Variants in CDC42 observed in about 807,000 individuals in gnomAD.
CDC42 encodes the protein cell division cycle 42.
Under a neutral mutation model 20.8 loss-of-function variants are expected in CDC42, and 1 was observed. The ratio of observed to expected loss-of-function variants is 0.05; its 90% CI spans 0.02 to 0.23. The LOEUF (loss-of-function observed/expected upper bound fraction) is 0.23, where lower values mean the gene tolerates loss of function less well. Among genes scored for constraint, CDC42 ranks in the 10% least tolerant of loss-of-function variants. The pLI, the probability that CDC42 is intolerant of heterozygous loss-of-function variation, is 1.00. For missense variants in CDC42, 49 were observed against 227.9 expected (o/e 0.21, Z 5.05); for synonymous variants, 72 against 84.8 (o/e 0.85, Z 0.83).
chr1:22,054,952 T>A (rs1465115172), intron 1 of CDC42, among the ~76,000 whole-genome samples: 4,079 of 50,856 alleles, frequency 0.08, 356 homozygotes, highest in Non-Finnish European at 0.085. Flanking sequence ...TTTTTTTTTT[T>A]TTTTTTTTTT....
intron 3 of CDC42, among the ~76,000 whole-genome samples, chr1:22,085,420 A>G (rs1277732038): frequency 6.6e-6 from 1 of 151,890 alleles, no homozygotes; most frequent in Admixed American, 6.6e-5. Flanking sequence ...TTTCAAGATT[A>G]TTTTGTCTAT....
chr1:22,070,802 A>G (rs1221082097), intron 1 of CDC42, among the ~76,000 whole-genome samples: 2 of 151,640 alleles, frequency 1.3e-5, no homozygotes, highest in Non-Finnish European at 2.9e-5. Context: ...TTGCTAGCCT[A>G]TCAGGACAAA....
chr1:22,070,691 C>T (rs1242077766), intron 1 of CDC42, among the ~76,000 whole-genome samples: 1 of 151,908 alleles, frequency 6.6e-6, no homozygotes, highest in Admixed American at 6.6e-5. Flanking sequence ...GTCTTGATCT[C>T]TTGACCTCGT....
At chr1:22,082,875 A>ATTTTTTTT (rs3036839) in intron 3 of CDC42, among the ~76,000 whole-genome samples, 2 of 140,212 alleles carry the variant, frequency 1.4e-5, no homozygotes, top group African/African-American at 2.7e-5. Context: ...CACAGAGAAA[A>ATTTTTTTT]TTTTTATTTT....
intron 1 of CDC42, among the ~76,000 whole-genome samples, chr1:22,073,359 A>G (rs1012558288): frequency 2.6e-5 from 4 of 151,844 alleles, no homozygotes; most frequent in African/African-American, 9.7e-5. Context: ...CAATGTGGCG[A>G]AACCCCGTCT....
At position 22,055,046 on chromosome 1, in the gene CDC42, C is replaced by A. The variant is rs555841117; in HGVS notation, c.-51+2304C>A. 7.6e-5 allele frequency among the ~76,000 whole-genome samples: 11 copies of A among 144,356 alleles called. No homozygotes were observed. The Admixed American group carries it at 7.8e-4, about 10-fold the overall frequency. The allele number at this position is 144,356 out of a possible 152,430, so 94.7% of individuals were successfully genotyped here. On this transcript the variant is annotated intron_variant, in intron 1 of 5. Coordinates refer to ENST00000656825, the MANE Select transcript of CDC42 (RefSeq NM_001791.4). ...TCAGCTCACTGCAAGCTCCGCCTCC[C>A]AGGTTCACACCATTCTCCTGCCTCA...
chr1:22,079,089 C>T (rs548279971), intron 2 of CDC42, among the ~76,000 whole-genome samples: 1 of 151,490 alleles, frequency 6.6e-6, no homozygotes, highest in Non-Finnish European at 1.5e-5. Flanking sequence ...TTCGAGAACA[C>T]CAACAGAGTC....
chr1:22,066,977 C>T (rs1235920896), intron 1 of CDC42, among the ~76,000 whole-genome samples: 1 of 152,064 alleles, frequency 6.6e-6, no homozygotes, highest in African/African-American at 2.4e-5. Flanking sequence ...GCTGGAAAAT[C>T]GCTTGAACCT....
intron 5 of CDC42, among the ~76,000 whole-genome samples, chr1:22,089,327 C>A (rs1361503107): frequency 6.6e-6 from 1 of 152,180 alleles, no homozygotes; most frequent in Non-Finnish European, 1.5e-5. Flanking sequence ...ATGCAGACAT[C>A]TTAAAGCACT....
chr1:22,094,294 ATTT>A lies in CDC42; in HGVS notation c.*2796_*2798del, dbSNP rs747002932. Among the ~76,000 whole-genome samples, 78 of 38,302 alleles carry A rather than the reference ATTT, an allele frequency of 2.0e-3. 5 individuals carry two copies. In the South Asian group the frequency reaches 0.05, roughly 24 times the overall value. The allele number at this position is 38,302 out of a possible 152,430, so 25.1% of individuals were successfully genotyped here. A position where few individuals can be genotyped will look rare whatever the true frequency, so the allele number is the denominator to read the frequency against. On this transcript the variant is annotated 3_prime_UTR_variant, in exon 6 of 6. Coordinates refer to ENST00000656825, the MANE Select transcript of CDC42 (RefSeq NM_001791.4). ...GTTTTACTGAACATCCTAGAAATAG[ATTT>A]TTTTTTTTTTTTTTTTTTGAGACGG... is the stretch of plus-strand genomic sequence containing the variant.
intron 1 of CDC42, among the ~76,000 whole-genome samples, chr1:22,054,279 G>A (rs114307407): frequency 0.024 from 3,613 of 152,040 alleles, 58 homozygotes; most frequent in Non-Finnish European, 0.035. Flanking sequence ...GCAGTGGCGC[G>A]ATCTTGGCCC....
At chr1:22,059,308 G>A (rs1437127889) in intron 1 of CDC42, 1 of 151,930 alleles carries the variant, frequency 6.6e-6, no homozygotes, top group African/African-American at 2.4e-5. Context: ...TTATACATTT[G>A]AACTTAAGTG....
rs1645773001 is a variant in CDC42, at chr1:22,098,840, C to G, written c.*7323C>G. Among the ~76,000 whole-genome samples the G allele has an allele frequency of 6.6e-6, 1 of 152,130 alleles. No homozygotes were observed. Among genetic ancestry groups the G allele is most frequent in the Admixed American group, 6.5e-5 (1 of 15,276 alleles). ...GTGTCGTGGTCTTGGGTCACTGCAT[C>G]CTTGACCTCCCCAGCTCAAGCGATC... On this transcript the variant is annotated 3_prime_UTR_variant, in exon 6 of 6. Transcript: ENST00000656825.
intron 5 of CDC42, chr1:22,089,869 C>A: frequency 7.0e-7 from 1 of 1,428,938 alleles, no homozygotes; most frequent in Non-Finnish European, 9.6e-7. Flanking sequence ...TTAATCCGGA[C>A]TGCTGTTGTA....
intron 1 of CDC42, among the ~76,000 whole-genome samples, chr1:22,057,988 A>C (rs1391771117): frequency 6.6e-6 from 1 of 152,104 alleles, no homozygotes; most frequent in East Asian, 1.9e-4. Context: ...CGGCCTCCCA[A>C]AGTGCTGGAA....
At chr1:22,053,646 G>A (rs1038266784) in intron 1 of CDC42, among the ~76,000 whole-genome samples, 1 of 152,120 alleles carries the variant, frequency 6.6e-6, no homozygotes, top group Non-Finnish European at 1.5e-5. Context: ...ACGTCATCGC[G>A]GTATAAGGAG....
intron 1 of CDC42, among the ~76,000 whole-genome samples, chr1:22,054,917 ATAT>A (rs1645284070): frequency 1.9e-3 from 23 of 12,306 alleles, no homozygotes; most frequent in African/African-American, 4.5e-3. Context: ...ATATATATAT[ATAT>A]ATTTTTTTTT....
intron 3 of CDC42, among the ~76,000 whole-genome samples, chr1:22,084,335 GTTTTTTTTTT>G (rs61584354): frequency 6.2e-5 from 5 of 80,700 alleles, no homozygotes; most frequent in East Asian, 4.2e-4. Flanking sequence ...CTTATTTCCT[GTTTTTTTTTT>G]TTTTTTTTTT....
At chr1:22,054,915 ATATATATTTTTTTTTTTTTTTTTTTTTT>A (rs1557890137) in intron 1 of CDC42, among the ~76,000 whole-genome samples, 321 of 14,590 alleles carry the variant, frequency 0.022, 5 homozygotes, top group East Asian at 0.065. Context: ...ATATATATAT[ATATATATTTTTTTTTTTTTTTTTTTTTT>A]TTTTTTTTTT....
Sources: gnomAD v4.1 joint callset for allele counts (sites outside exome capture counted in the v4.1 genomes callset) on GRCh38, gnomAD v4.1.1 for gene constraint, MANE v1.5 for transcripts, NCBI Gene and HGNC (gene_info 2026-07-23, HGNC 2026-07-21) for gene names.